Variants in TAFA4 observed in about 807,000 individuals in gnomAD.
The protein encoded by TAFA4 is TAFA chemokine like family member 4.
Under a neutral mutation model 21.1 loss-of-function variants are expected in TAFA4, and 20 were observed. That is an observed-to-expected ratio of 0.95 (90% CI 0.67 to 1.38). TAFA4 has a LOEUF of 1.38. Ranked by LOEUF, TAFA4 falls within the 40% of genes most tolerant of loss-of-function variation. The pLI, the probability that TAFA4 is intolerant of heterozygous loss-of-function variation, is 0.00. For missense variants in TAFA4, 211 were observed against 180.9 expected, an observed-to-expected ratio of 1.17 and a Z score of -0.95; for synonymous variants, 71 against 67.4, an observed-to-expected ratio of 1.05 and a Z score of -0.26.
intron 5 of TAFA4, among the ~76,000 whole-genome samples, chr3:68,737,408 C>T (rs1252361778): frequency 1.3e-5 from 2 of 152,102 alleles, no homozygotes; most frequent in African/African-American, 4.8e-5. Flanking sequence ...TAAATGACTC[C>T]ATGGACTTCT....
chr3:68,764,664 T>A (rs1236944418), intron 3 of TAFA4, among the ~76,000 whole-genome samples: 1 of 152,208 alleles, frequency 6.6e-6, no homozygotes, highest in African/African-American at 2.4e-5. Flanking sequence ...CCTGTTGCAA[T>A]GGACTGTACT....
intron 3 of TAFA4, among the ~76,000 whole-genome samples, chr3:68,876,080 A>G (rs1183603068): frequency 1.3e-5 from 2 of 152,220 alleles, no homozygotes; most frequent in African/African-American, 2.4e-5. Flanking sequence ...CTAACTCATT[A>G]TTAGTTCATG....
intron 5 of TAFA4, 22 bp from the exon 6 acceptor site, chr3:68,733,175 G>A: frequency 6.2e-7 from 1 of 1,612,232 alleles, no homozygotes; most frequent in African/African-American, 1.3e-5. Flanking sequence ...CAAAATAAGG[G>A]AACATTCAAC....
At chr3:68,792,608 G>A (rs1200417312) in intron 3 of TAFA4, among the ~76,000 whole-genome samples, 1 of 152,054 alleles carries the variant, frequency 6.6e-6, no homozygotes, top group East Asian at 1.9e-4. Flanking sequence ...ACCCCTCAAA[G>A]CTCTCAAAGT....
chr3:68,796,919 A>G (rs1703463234), intron 3 of TAFA4, among the ~76,000 whole-genome samples: 1 of 152,212 alleles, frequency 6.6e-6, no homozygotes, highest in Non-Finnish European at 1.5e-5. Context: ...ATGCAAGGCA[A>G]TACCACAAAC....
chr3:68,816,154 G>A (rs992425677), intron 3 of TAFA4, among the ~76,000 whole-genome samples: 11 of 152,158 alleles, frequency 7.2e-5, no homozygotes, highest in South Asian at 2.1e-4. Context: ...ATCACACACC[G>A]GGGCCTGTTG....
intron 3 of TAFA4, among the ~76,000 whole-genome samples, chr3:68,765,492 A>G (rs1360737588): frequency 6.6e-6 from 1 of 152,188 alleles, no homozygotes; most frequent in African/African-American, 2.4e-5. Context: ...TTTACACACT[A>G]TATATGTCAT....
intron 3 of TAFA4, among the ~76,000 whole-genome samples, chr3:68,808,635 T>C (rs749881778): frequency 2.0e-5 from 3 of 152,218 alleles, no homozygotes; most frequent in Non-Finnish European, 4.4e-5. Flanking sequence ...CTCTAAACTC[T>C]AGACTTTCCT....
At chr3:68,772,050 C>T (rs1702967440) in intron 3 of TAFA4, among the ~76,000 whole-genome samples, 1 of 151,906 alleles carries the variant, frequency 6.6e-6, no homozygotes, top group African/African-American at 2.4e-5. Flanking sequence ...TTCTGTAAGG[C>T]TTCACAAGTG....
chr3:68,741,897 T>C (rs1484912812), intron 4 of TAFA4, among the ~76,000 whole-genome samples: 3 of 152,166 alleles, frequency 2.0e-5, no homozygotes, highest in South Asian at 2.1e-4. Context: ...ATTACCTTCA[T>C]GCCAAAGCCA....
At chr3:68,820,871 G>A (rs1264009555) in intron 3 of TAFA4, among the ~76,000 whole-genome samples, 1 of 152,120 alleles carries the variant, frequency 6.6e-6, no homozygotes, top group African/African-American at 2.4e-5. Flanking sequence ...CTCATGTTAT[G>A]CACAAAATTT....
intron 1 of TAFA4, among the ~76,000 whole-genome samples, chr3:68,898,507 A>G (rs564597129): frequency 6.6e-6 from 1 of 152,160 alleles, no homozygotes. Flanking sequence ...TTAGCCAGGC[A>G]TAGTGGCATG....
chr3:68,784,425 G>T (rs1165059575), intron 3 of TAFA4, among the ~76,000 whole-genome samples: 1 of 152,076 alleles, frequency 6.6e-6, no homozygotes, highest in Non-Finnish European at 1.5e-5. Flanking sequence ...CCTTCTGGTG[G>T]GTTCACGGTC....
rs578165375 is a variant in TAFA4, at chr3:68,862,940, A to G, written c.130+17790T>C. Reference sequence around the variant, plus strand: ...GTAAGAATACATTTTACTAGTAAGAATAAAGTTCAAGAGCCAGGCGCAGTG... The same window carrying G: ...GTAAGAATACATTTTACTAGTAAGAGTAAAGTTCAAGAGCCAGGCGCAGTG... On this transcript the variant is annotated intron_variant, in intron 3 of 5. Coordinates refer to ENST00000295569, the MANE Select transcript of TAFA4 (RefSeq NM_182522.5). Among the ~76,000 whole-genome samples the G allele has an allele frequency of 2.6e-5, 4 of 152,096 alleles. No homozygotes were observed. In the South Asian group the frequency reaches 8.3e-4, roughly 32 times the overall value.
chr3:68,932,463 A>C lies in TAFA4; in HGVS notation c.-346T>G, dbSNP rs1336591621. On this transcript the variant is annotated 5_prime_UTR_variant, in exon 1 of 6. Coordinates refer to ENST00000295569, the MANE Select transcript of TAFA4 (RefSeq NM_182522.5). The stretch of plus-strand genomic sequence containing the variant: ...CTGAAGCTGCTGCTGGAGAAGCGGC[A>C]GCTGAGGCAGGACTCCCGATGTTTG... 1 of 152,412 alleles carries C rather than the reference A, an allele frequency of 6.6e-6. No homozygotes were observed. The highest frequency in any genetic ancestry group is 6.5e-5 in the Admixed American group (1 of 15,316). The allele number at this position is 152,412 out of a possible 1,614,324, so 9.4% of individuals were successfully genotyped here.
chr3:68,743,935 AAT>A (rs1702404815), intron 4 of TAFA4, among the ~76,000 whole-genome samples: 1 of 152,208 alleles, frequency 6.6e-6, no homozygotes, highest in Non-Finnish European at 1.5e-5. Flanking sequence ...TTCTTGTCTG[AAT>A]ACCACAGATT....
intron 3 of TAFA4, among the ~76,000 whole-genome samples, chr3:68,768,415 G>A (rs750760289): frequency 6.6e-6 from 1 of 152,246 alleles, no homozygotes; most frequent in East Asian, 1.9e-4. Flanking sequence ...CCTCACTCCA[G>A]TTAGAATGCC....
intron 3 of TAFA4, among the ~76,000 whole-genome samples, chr3:68,803,720 T>C (rs1426984137): frequency 6.7e-6 from 1 of 149,960 alleles, no homozygotes; most frequent in Non-Finnish European, 1.5e-5. Flanking sequence ...TGACTCATTG[T>C]CTTCCTAAAG....
chr3:68,744,004 T>TTG (rs1702405997), intron 4 of TAFA4, among the ~76,000 whole-genome samples: 3 of 152,210 alleles, frequency 2.0e-5, no homozygotes, highest in Admixed American at 1.3e-4. Flanking sequence ...CAATTTAAAA[T>TTG]ACCATCTGCA....
Sources: allele counts gnomAD v4.1 joint callset (sites outside exome capture counted in the v4.1 genomes callset), GRCh38; gene constraint gnomAD v4.1.1; transcripts MANE v1.5; gene names NCBI Gene and HGNC (gene_info 2026-07-23, HGNC 2026-07-21).